Variants in NAALADL2 observed in about 807,000 individuals in gnomAD.
NAALADL2 encodes inactive N-acetylated-alpha-linked acidic dipeptidase-like protein 2.
In NAALADL2, 76 loss-of-function variants were observed where a neutral mutation model predicts 87.2. That is an observed-to-expected ratio of 0.87 (90% CI 0.72 to 1.05). The LOEUF (loss-of-function observed/expected upper bound fraction) is 1.05. Ranked by LOEUF, NAALADL2 falls within the 50% of genes least tolerant of loss-of-function variation. The pLI, the probability that NAALADL2 is intolerant of heterozygous loss-of-function variation, is 0.00. For missense variants in NAALADL2, 1,089 were observed against 945.8 expected, an observed-to-expected ratio of 1.15 and a Z score of -1.99; for synonymous variants, 354 against 331.0, an observed-to-expected ratio of 1.07 and a Z score of -0.75.
intron 1 of NAALADL2, among the ~76,000 whole-genome samples, chr3:174,880,107 C>T (rs189068313): frequency 6.6e-6 from 1 of 152,156 alleles, no homozygotes; most frequent in African/African-American, 2.4e-5. Flanking sequence ...CCATTCCTCC[C>T]TTGTGACCTA....
chr3:174,706,512 A>G (rs1457896119), intron 2 of NAALADL2, among the ~76,000 whole-genome samples: 2 of 152,194 alleles, frequency 1.3e-5, no homozygotes, highest in Non-Finnish European at 2.9e-5. Flanking sequence ...AAAGTAAAAA[A>G]GCTCACTTAG....
intron 1 of NAALADL2, among the ~76,000 whole-genome samples, chr3:174,987,827 T>TATATATATATATATATTTATATATAA (rs1222203525): frequency 2.3e-5 from 3 of 130,528 alleles, no homozygotes; most frequent in African/African-American, 1.1e-4. Context: ...TATATATATA[T>TATATATATATATATATTTATATATAA]AATGAGACCT....
At chr3:175,613,730 G>C (rs955782757) in intron 10 of NAALADL2, among the ~76,000 whole-genome samples, 1 of 152,128 alleles carries the variant, frequency 6.6e-6, no homozygotes, top group African/African-American at 2.4e-5. Context: ...CGAACTCACT[G>C]TACCTCAGTT....
At chr3:174,691,612 G>C (rs1415404175) in intron 2 of NAALADL2, among the ~76,000 whole-genome samples, 1 of 152,006 alleles carries the variant, frequency 6.6e-6, no homozygotes, top group Admixed American at 6.6e-5. Flanking sequence ...CAACAGTAAA[G>C]TTTACCACAT....
rs1480643640 is a variant in NAALADL2, at chr3:174,830,840, C to T, written c.-9+93094C>T. On this transcript the variant is annotated intron_variant, in intron 3 of 3. Coordinates refer to the NAALADL2 transcript ENST00000434257. ...TCCTTCACATCCCTTGTAAGTTGGACTCCTAGGTATTTTATTCTCTTTGAA... is the reference window on the plus strand; with the variant it reads ...TCCTTCACATCCCTTGTAAGTTGGATTCCTAGGTATTTTATTCTCTTTGAA... Among the ~76,000 whole-genome samples, 73 of 151,934 alleles carry T rather than the reference C, an allele frequency of 4.8e-4. No homozygotes were observed. In the East Asian group the frequency reaches 5.1e-3, roughly 11 times the overall value.
chr3:175,004,968 C>A (rs1361263643), intron 1 of NAALADL2, among the ~76,000 whole-genome samples: 1 of 151,826 alleles, frequency 6.6e-6, no homozygotes, highest in Non-Finnish European at 1.5e-5. Flanking sequence ...TGGTAAATTA[C>A]TGTTTCAAAA....
intron 1 of NAALADL2, chr3:174,459,093 C>T (rs1716040332): frequency 6.6e-6 from 1 of 152,156 alleles, no homozygotes; most frequent in Non-Finnish European, 1.5e-5. Flanking sequence ...AAAGATTATG[C>T]AGTGAGCTTT....
chr3:175,574,770 T>C (rs770505296), intron 9 of NAALADL2, among the ~76,000 whole-genome samples: 1 of 152,158 alleles, frequency 6.6e-6, no homozygotes, highest in Non-Finnish European at 1.5e-5. Flanking sequence ...ATATAGATTA[T>C]ATTTAAAAGT....
intron 1 of NAALADL2, among the ~76,000 whole-genome samples, chr3:174,966,552 A>T (rs1202131475): frequency 6.6e-6 from 1 of 152,184 alleles, no homozygotes; most frequent in Non-Finnish European, 1.5e-5. Context: ...ATGTAAGGAT[A>T]AAGTGATAGG....
At chr3:174,627,636 C>A (rs936041930) in intron 2 of NAALADL2, among the ~76,000 whole-genome samples, 2 of 152,144 alleles carry the variant, frequency 1.3e-5, no homozygotes, top group African/African-American at 4.8e-5. Flanking sequence ...GACACCTGCA[C>A]GTGTATGTTT....
intron 2 of NAALADL2, among the ~76,000 whole-genome samples, chr3:174,667,991 G>A (rs1294063340): frequency 2.6e-5 from 4 of 151,976 alleles, no homozygotes; most frequent in Non-Finnish European, 4.4e-5. Flanking sequence ...TGCCAGCAAT[G>A]CACCAGGGTT....
At chr3:175,231,356 C>G (rs900524059) in intron 2 of NAALADL2, among the ~76,000 whole-genome samples, 4 of 151,902 alleles carry the variant, frequency 2.6e-5, no homozygotes, top group Non-Finnish European at 5.9e-5. Context: ...TGTATATTAT[C>G]TATGTGTTTA....
chr3:175,004,914 A>G (rs1748814618), intron 1 of NAALADL2, among the ~76,000 whole-genome samples: 1 of 152,048 alleles, frequency 6.6e-6, no homozygotes, highest in Non-Finnish European at 1.5e-5. Context: ...GGTCCCAAGC[A>G]CTTCAGATAA....
chr3:175,412,891 T>TTTATTTATTATTATTATTA (rs1553887809), intron 5 of NAALADL2, among the ~76,000 whole-genome samples: 6 of 123,008 alleles, frequency 4.9e-5, no homozygotes, highest in African/African-American at 9.3e-5. Flanking sequence ...ATTTAATTTA[T>TTTATTTATTATTATTATTA]TTATTATTAT....
intron 11 of NAALADL2, among the ~76,000 whole-genome samples, chr3:175,667,243 A>AAAGAAAGAAAGAAAG (rs1560943730): frequency 5.7e-5 from 6 of 105,150 alleles, no homozygotes; most frequent in Non-Finnish European, 1.0e-4. Flanking sequence ...AAGAAAGAAA[A>AAAGAAAGAAAGAAAG]AGAAAGAAAG....
At chr3:174,461,504 A>AT (rs531858371) in intron 1 of NAALADL2, among the ~76,000 whole-genome samples, 1 of 151,962 alleles carries the variant, frequency 6.6e-6, no homozygotes, top group East Asian at 1.9e-4. Context: ...TTGGTTTAAG[A>AT]TTTTTTTTAC....
chr3:174,854,835 C>CTTTTTTTTTT (rs68116968), upstream of NAALADL2, among the ~76,000 whole-genome samples: 132 of 111,972 alleles, frequency 1.2e-3, no homozygotes, highest in African/African-American at 1.3e-3. Context: ...GCTTTTTTTT[C>CTTTTTTTTTT]TTTTTTTTTT....
Position 175,008,739 on chromosome 3 carries a change from G to T in NAALADL2, c.44-88051G>T, listed in dbSNP as rs141398823. On this transcript the variant is annotated intron_variant, in intron 1 of 13. Coordinates refer to ENST00000454872, the MANE Select transcript of NAALADL2 (RefSeq NM_207015.3). Reference sequence around the variant, plus strand: ...CCTACAACGTTATAGGGTAAGGCAGGTTATAGGGTAGGCTAGGGTTTGGAG... The same window carrying T: ...CCTACAACGTTATAGGGTAAGGCAGTTTATAGGGTAGGCTAGGGTTTGGAG... 2.0e-5 allele frequency among the ~76,000 whole-genome samples: 3 copies of T among 152,212 alleles called. No individual in the cohort carries two copies. The East Asian group carries it at 5.8e-4, about 29-fold the overall frequency.
At chr3:175,174,986 AT>A (rs1299727693) in intron 2 of NAALADL2, among the ~76,000 whole-genome samples, 1 of 152,092 alleles carries the variant, frequency 6.6e-6, no homozygotes, top group Non-Finnish European at 1.5e-5. Context: ...AATGAAGATA[AT>A]TTGTAAATGA....
Sources: gnomAD v4.1 joint callset for allele counts (sites outside exome capture counted in the v4.1 genomes callset) on GRCh38, gnomAD v4.1.1 for gene constraint, MANE v1.5 for transcripts, NCBI Gene and HGNC (gene_info 2026-07-23, HGNC 2026-07-21) for gene names.